Variants in NDUFAF1 observed in about 807,000 individuals in gnomAD.
NDUFAF1 encodes NADH:ubiquinone oxidoreductase complex assembly factor 1.
In NDUFAF1, 18 loss-of-function variants were observed where a neutral mutation model predicts 28.7. The observed-to-expected ratio is 0.63, with a 90% CI of 0.43 to 0.93. The LOEUF is 0.93. Among genes scored for constraint, NDUFAF1 ranks in the 40% least tolerant of loss-of-function variants. NDUFAF1 has a pLI of 0.00. For missense variants in NDUFAF1, 404 were observed against 398.3 expected (o/e 1.01, Z -0.12); for synonymous variants, 113 against 139.7 (o/e 0.81, Z 1.35).
chr15:41,392,018 T>C (rs1169195020), intron 3 of NDUFAF1, among the ~76,000 whole-genome samples: 1 of 150,232 alleles, frequency 6.7e-6, no homozygotes, highest in Admixed American at 6.7e-5. Flanking sequence ...AAGACAGGGG[T>C]CCGATATTGT....
intron 1 of NDUFAF1, among the ~76,000 whole-genome samples, chr15:41,398,338 T>G (rs1364795539): frequency 6.7e-6 from 1 of 150,102 alleles, no homozygotes; most frequent in East Asian, 2.0e-4. Context: ...CTAAAAATAA[T>G]CCAGGCGTGG....
At position 41,396,692 on chromosome 15, in the gene NDUFAF1, A is replaced by G. The variant is rs151286131; in HGVS notation, c.368T>C (p.Val123Ala). The G allele has an allele frequency of 7.1e-4, 1,152 of 1,613,968 alleles. 2 individuals carry two copies. The highest frequency in any genetic ancestry group is 9.1e-4 in the Non-Finnish European group (1,070 of 1,180,038). ...LHEVLLEQAK[V>A]VWQFRGKEDL... Reference sequence around the variant, plus strand: ...TTCTTTCCCCCGGAATTGCCAGACAACCTTGGCTTGTTCCAGCAAGACCTC... The same window carrying G: ...TTCTTTCCCCCGGAATTGCCAGACAGCCTTGGCTTGTTCCAGCAAGACCTC... Residue 123 changes from valine to alanine, a missense_variant, in exon 2 of 5, where the codon GTT becomes GCT. Val to Ala is a moderately conservative substitution (Grantham distance 64). Transcript: ENST00000260361.
intron 3 of NDUFAF1, chr15:41,394,481 C>T: frequency 1.3e-6 from 1 of 747,106 alleles, no homozygotes; most frequent in South Asian, 1.4e-5. Context: ...AAAATATTCA[C>T]TAGTTAGTAT....
At chr15:41,399,727 G>C (rs2050436487) in intron 1 of NDUFAF1, among the ~76,000 whole-genome samples, 1 of 149,904 alleles carries the variant, frequency 6.7e-6, no homozygotes, top group Admixed American at 6.7e-5. Context: ...GTAGTGGCGG[G>C]CGCCTGTAGT....
chr15:41,398,195 T>C (rs2050417184), intron 1 of NDUFAF1, among the ~76,000 whole-genome samples: 1 of 151,336 alleles, frequency 6.6e-6, no homozygotes, highest in African/African-American at 2.4e-5. Flanking sequence ...TTTCTTTTTA[T>C]AAGAGACTGG....
intron 3 of NDUFAF1, among the ~76,000 whole-genome samples, chr15:41,391,649 G>T (rs2050318298): frequency 6.6e-6 from 1 of 151,800 alleles, no homozygotes; most frequent in African/African-American, 2.4e-5. Flanking sequence ...TATGTTCCAG[G>T]GAAGGCAGTA....
intron 1 of NDUFAF1, among the ~76,000 whole-genome samples, chr15:41,399,195 T>G (rs1323465388): frequency 6.7e-6 from 1 of 150,274 alleles, no homozygotes; most frequent in Non-Finnish European, 1.5e-5. Context: ...AGGACAGGAG[T>G]TCAAGACCAG....
At position 41,401,740 on chromosome 15, in the gene NDUFAF1, G is replaced by T. The variant is rs999880823; in HGVS notation, c.-82+404C>A. On this transcript the variant is annotated intron_variant, in intron 1 of 4. Coordinates refer to ENST00000260361, the MANE Select transcript of NDUFAF1 (RefSeq NM_016013.4). The stretch of plus-strand genomic sequence containing the variant: ...CGCGCCCAGCCGACATTATCAATAA[G>T]GTTTGTTGATAAATCAAAACCATGT... Among the ~76,000 whole-genome samples the T allele has an allele frequency of 2.6e-5, 4 of 152,156 alleles. No homozygotes were observed. In the East Asian group the frequency reaches 7.7e-4, roughly 29 times the overall value.
In NDUFAF1 at chr15:41,395,145, T is replaced by G. The variant is rs538591739; in HGVS notation, c.574-101A>C. The G allele has an allele frequency of 5.5e-5, 60 of 1,086,914 alleles. No individual in the cohort carries two copies. The African/African-American group carries it at 9.2e-4, about 17-fold the overall frequency. The allele number at this position is 1,086,914 out of a possible 1,614,324, so 67.3% of individuals were successfully genotyped here. The stretch of plus-strand genomic sequence containing the variant: ...ATCATCAACAGGATGCACTAACCAT[T>G]TTTCTGACTTTCTGCCCCATAAGAA... On this transcript the variant is annotated intron_variant, in intron 2 of 4. Transcript: ENST00000260361.
At chr15:41,395,493 C>A (rs2050373295) in intron 2 of NDUFAF1, among the ~76,000 whole-genome samples, 1 of 151,116 alleles carries the variant, frequency 6.6e-6, no homozygotes, top group South Asian at 2.1e-4. Context: ...CCTCAGCCTC[C>A]CGAATAGCTG....
intron 3 of NDUFAF1, among the ~76,000 whole-genome samples, chr15:41,392,899 C>A (rs965514884): frequency 1.3e-5 from 2 of 152,002 alleles, no homozygotes; most frequent in African/African-American, 4.8e-5. Flanking sequence ...TTTAGTGGGG[C>A]AAGAAGACAA....
intron 1 of NDUFAF1, among the ~76,000 whole-genome samples, chr15:41,399,955 G>C (rs1188478522): frequency 6.6e-6 from 1 of 151,888 alleles, no homozygotes; most frequent in Non-Finnish European, 1.5e-5. Flanking sequence ...AGCTACTCGG[G>C]AGGCTGAAGC....
At position 41,396,044 on chromosome 15, in the gene NDUFAF1, C is replaced by T. The variant is rs544086012; in HGVS notation, c.573+443G>A. The stretch of plus-strand genomic sequence containing the variant: ...CGGAAGTTGCAGTGAGCCGAGATCA[C>T]GCCACTGCACTCTAGCCTGGGCGAC... On this transcript the variant is annotated intron_variant, in intron 2 of 4. Transcript: ENST00000260361. 2.6e-3 allele frequency among the ~76,000 whole-genome samples: 396 copies of T among 151,216 alleles called. 2 individuals carry two copies. The highest frequency in any genetic ancestry group is 6.5e-3 in the South Asian group (31 of 4,790).
intron 2 of NDUFAF1, among the ~76,000 whole-genome samples, chr15:41,395,594 T>A (rs917745140): frequency 2.0e-5 from 3 of 150,924 alleles, no homozygotes; most frequent in African/African-American, 7.3e-5. Flanking sequence ...ATGGTCTCGA[T>A]CTCCTGACCT....
At chr15:41,402,825 A>G (rs561406505), upstream of NDUFAF1, among the ~76,000 whole-genome samples, 7 of 139,800 alleles carry the variant, frequency 5.0e-5, no homozygotes, top group African/African-American at 1.9e-4. Context: ...TCTGCCTCCC[A>G]GATTCAAGCG....
intron 3 of NDUFAF1, among the ~76,000 whole-genome samples, chr15:41,390,412 G>A (rs548168657): frequency 6.6e-6 from 1 of 152,286 alleles, no homozygotes; most frequent in African/African-American, 2.4e-5. Flanking sequence ...CTAGAAAAGT[G>A]TAGAAGATAC....
chr15:41,401,903 T>TAGGTAAAATTTGAGAA (rs1465641140), intron 1 of NDUFAF1, among the ~76,000 whole-genome samples: 2 of 152,168 alleles, frequency 1.3e-5, no homozygotes, highest in Non-Finnish European at 2.9e-5. Context: ...CCTCTACACA[T>TAGGTAAAATTTGAGAA]ACCGAAATTT....
intron 1 of NDUFAF1, among the ~76,000 whole-genome samples, chr15:41,399,925 T>TGGCG (rs2050440401): frequency 2.1e-5 from 3 of 145,370 alleles, no homozygotes; most frequent in African/African-American, 7.7e-5. Context: ...TATAGGGTGG[T>TGGCG]GGCAAGCACC....
At chr15:41,392,066 CTTTTTTT>C (rs1162627793) in intron 3 of NDUFAF1, among the ~76,000 whole-genome samples, 5 of 115,668 alleles carry the variant, frequency 4.3e-5, no homozygotes, top group South Asian at 2.8e-4. Context: ...GGACTTTATT[CTTTTTTT>C]TTTTTTTTTT....
Sources: allele counts gnomAD v4.1 joint callset (sites outside exome capture counted in the v4.1 genomes callset), GRCh38; gene constraint gnomAD v4.1.1; transcripts MANE v1.5; gene names NCBI Gene and HGNC (gene_info 2026-07-23, HGNC 2026-07-21).